The following NACA variants were observed in gnomAD, a reference collection of about 807,000 sequenced individuals.
NACA encodes nascent polypeptide-associated complex subunit alpha.
A neutral mutation model predicts 86.4 loss-of-function variants in NACA; 42 were observed. That is an observed-to-expected ratio of 0.49 (90% confidence interval 0.38 to 0.63). The LOEUF (loss-of-function observed/expected upper bound fraction) is 0.63, where lower values mean the gene tolerates loss of function less well. Among genes scored for constraint, NACA ranks in the 20% least tolerant of loss-of-function variants. The pLI, the probability that NACA is intolerant of heterozygous loss-of-function variation, is 0.00. For missense variants in NACA, 2,157 were observed against 2,483.6 expected (o/e 0.87, Z 2.80); for synonymous variants, 898 against 973.7 (o/e 0.92, Z 1.45).
chr12:56,716,030 G>A lies in NACA; in HGVS notation c.5500C>T (p.Pro1834Ser), dbSNP rs1025629678. ...VLESPSKPLAPADEDELLPLI... is the reference protein window; with the variant it reads ...VLESPSKPLASADEDELLPLI... Reference sequence around the variant, plus strand: ...GGCAGCAGCTCATCCTCATCAGCAGGGGCAAGGGGTTTAGAGGGTGATTCC... The same window carrying A: ...GGCAGCAGCTCATCCTCATCAGCAGAGGCAAGGGGTTTAGAGGGTGATTCC... The change falls in exon 3 of 9, where the codon CCT (proline) becomes TCT (serine). Residue 1834 changes from proline (P) to serine (S), a missense_variant. Pro to Ser is a moderately conservative substitution (Grantham distance 74). Around this residue, in one of 8 missense-constraint regions of NACA, gnomAD observed 797 missense variants for 777.6 expected, o/e 1.02. Coordinates refer to ENST00000454682, the MANE Select transcript of NACA (RefSeq NM_001365896.1). 1 of 1,605,694 alleles carries A rather than the reference G, an allele frequency of 6.2e-7. No homozygotes were observed.
chr12:56,724,644 T>C, intron 1 of NACA, 121 bp from the exon 2 acceptor site: 1 of 1,068,018 alleles, frequency 9.4e-7, no homozygotes, highest in Non-Finnish European at 1.4e-6. Flanking sequence ...GTGAGGGTGT[T>C]TGGTGACAAC....
rs374167103 is a variant in NACA, at chr12:56,718,749, A to C, written c.2781T>G (p.Pro927=). The change falls in exon 3 of 9, where the codon CCT becomes CCG. Residue 927 remains proline, a synonymous_variant. Transcript: ENST00000454682. Reference sequence around the variant, plus strand: ...GGGATGGGGAAGCTGGGATTCCTTTAGGGGCTGGAGTTGCTCGGGCCTTTT... The same window carrying C: ...GGGATGGGGAAGCTGGGATTCCTTTCGGGGCTGGAGTTGCTCGGGCCTTTT... ...SPKKARATPA[P]KGIPASPSPK... is the part of the protein sequence containing the mutation. 1.5e-5 allele frequency: 21 copies of C among 1,438,762 alleles called. No homozygotes were observed. The African/African-American group carries it at 2.6e-4, about 18-fold the overall frequency. 89.1% of individuals were successfully genotyped at this position (1,438,762 alleles called of 1,614,324 possible).
rs768708488 is a variant in NACA, at chr12:56,718,357, G to C, written c.3173C>G (p.Thr1058Arg). The C allele has an allele frequency of 8.5e-6, 10 of 1,177,856 alleles. No homozygotes were observed. In the East Asian group the frequency reaches 2.9e-4, roughly 34 times the overall value. The allele number at this position is 1,177,856 out of a possible 1,614,324, so 73.0% of individuals were successfully genotyped here. Residue 1058 changes from threonine to arginine, a missense_variant, in exon 3 of 9, where the codon ACA (threonine) becomes AGA (arginine). By Grantham distance (71) the Thr-to-Arg change is moderately conservative (BLOSUM62 -1). Coordinates refer to ENST00000454682, the MANE Select transcript of NACA (RefSeq NM_001365896.1). The stretch of plus-strand genomic sequence containing the variant: ...GGAGGGAAGAGTTGCAGCTGGGGTT[G>C]TGGGGGCCCCTTTGGGGAGTGGGGT... ...AATPLPKGAPTTPAATLPSPK... is the reference protein window; with the variant it reads ...AATPLPKGAPRTPAATLPSPK...
At position 56,724,335 on chromosome 12, in the gene NACA, C is replaced by A. The variant is rs528636657; in HGVS notation, c.70+117G>T. 3.2e-4 allele frequency: 312 copies of A among 965,942 alleles called. No homozygotes were observed. The highest frequency in any genetic ancestry group is 5.9e-4 in the South Asian group (35 of 59,396). 59.8% of individuals were successfully genotyped at this position (965,942 alleles called of 1,614,324 possible). ...GGATAGTAATTTTACGGTCTATCCT[C>A]CTTGGTAAAGCTGCAACCCCATCCT... On this transcript the variant is annotated intron_variant, in intron 2 of 8. Coordinates refer to ENST00000454682, the MANE Select transcript of NACA (RefSeq NM_001365896.1).
At chr12:56,715,609 G>A (rs1182487201) in intron 3 of NACA, among the ~76,000 whole-genome samples, 1 of 152,060 alleles carries the variant, frequency 6.6e-6, no homozygotes, top group Non-Finnish European at 1.5e-5. Flanking sequence ...TAGATGGCAT[G>A]GCAGGCTCAG....
chr12:56,721,082 T>C lies in NACA; in HGVS notation c.448A>G (p.Ser150Gly). 1 of 1,613,846 alleles carries C rather than the reference T, an allele frequency of 6.2e-7. No individual in the cohort carries two copies. The stretch of plus-strand genomic sequence containing the variant: ...AGAAGGTTAGGTGGAAAAGCAGAAC[T>C]CTTCTGAACTGAGTGGGGAGCCAGG... ...VALAPHSVQKSSAFPPNLLTS... is the reference protein window; with the variant it reads ...VALAPHSVQKGSAFPPNLLTS... Residue 150 changes from serine to glycine, a missense_variant, in exon 3 of 9, where the codon AGT becomes GGT. Coordinates refer to ENST00000454682, the MANE Select transcript of NACA (RefSeq NM_001365896.1).
chr12:56,716,818 G>C lies in NACA; in HGVS notation c.4712C>G (p.Pro1571Arg). 1.5e-6 allele frequency: 2 copies of C among 1,332,358 alleles called. No homozygotes were observed. The highest frequency in any genetic ancestry group is 2.0e-6 in the Non-Finnish European group (2 of 1,020,022). 82.5% of individuals were successfully genotyped at this position (1,332,358 alleles called of 1,614,324 possible). A position where few individuals can be genotyped will look rare whatever the true frequency, so the allele number is the denominator to read the frequency against. ...TPAIPTPKEA[P>R]ATPSSKEASS... is the part of the protein sequence containing the mutation. ...GGCCTCTTTGGAGGATGGGGTAGCT[G>C]GGGCTTCTTTGGGGGTTGGAATTGC... Residue 1571 changes from proline to arginine, a missense_variant, in exon 3 of 9, where the codon CCA becomes CGA. By Grantham distance (103) the Pro-to-Arg change is moderately radical (BLOSUM62 -2). This residue lies in a region of NACA where 797 missense variants were observed against 777.6 expected (regional missense o/e 1.02). Coordinates refer to ENST00000454682, the MANE Select transcript of NACA (RefSeq NM_001365896.1).
At position 56,715,937 on chromosome 12, in the gene NACA, G is replaced by T. The variant is rs547843864; in HGVS notation, c.5593C>A (p.Pro1865Thr). 15 of 1,532,526 alleles carry T rather than the reference G, an allele frequency of 9.8e-6. No homozygotes were observed. The highest frequency in any genetic ancestry group is 1.3e-5 in the Non-Finnish European group (15 of 1,139,750). 94.9% of individuals were successfully genotyped at this position (1,532,526 alleles called of 1,614,324 possible). ...FQSVLVNMPT[P>T]KSAGIPVPTP... ...GGGACAGGGATTCCAGCAGATTTAG[G>T]GGTGGGCATGTTGACGAGGACCGAC... is the stretch of plus-strand genomic sequence containing the variant. The change falls in exon 3 of 9, where the codon CCT (proline) becomes ACT (threonine). Residue 1865 changes from proline (P) to threonine (T), a missense_variant. This residue lies in a region of NACA where 797 missense variants were observed against 777.6 expected (regional missense o/e 1.02). Transcript: ENST00000454682.
intron 2 of NACA, among the ~76,000 whole-genome samples, chr12:56,723,266 A>G (rs1368849573): frequency 6.6e-6 from 1 of 152,232 alleles, no homozygotes; most frequent in Non-Finnish European, 1.5e-5. Context: ...CAGACTATTC[A>G]GGAATACGTT....
chr12:56,724,577 C>A, intron 1 of NACA, 54 bp from the exon 2 acceptor site: 3 of 1,548,216 alleles, frequency 1.9e-6, no homozygotes, highest in Non-Finnish European at 2.6e-6. Flanking sequence ...CATTCACTTG[C>A]CCAACCCGGA....
At chr12:56,723,135 T>C (rs947701675) in intron 2 of NACA, among the ~76,000 whole-genome samples, 2 of 152,342 alleles carry the variant, frequency 1.3e-5, no homozygotes, top group Non-Finnish European at 2.9e-5. Context: ...ACTCAAATAC[T>C]TGCTTTGACA....
intron 3 of NACA, among the ~76,000 whole-genome samples, chr12:56,715,486 T>C (rs1167936667): frequency 6.6e-6 from 1 of 152,094 alleles, no homozygotes; most frequent in African/African-American, 2.4e-5. Context: ...TCTCCAATAA[T>C]TTTACCAAAT....
chr12:56,712,686 A>G (rs1953250960), intron 8 of NACA, 100 bp downstream of exon 8: 3 of 1,602,628 alleles, frequency 1.9e-6, no homozygotes. Flanking sequence ...AGGCTCTGGA[A>G]TGAGGTTCCT....
Position 56,712,458 on chromosome 12 carries a change from T to C in NACA, c.*80A>G. 7.0e-7 allele frequency: 1 copy of C among 1,436,702 alleles called. No individual in the cohort carries two copies. The highest frequency in any genetic ancestry group is 9.7e-7 in the Non-Finnish European group (1 of 1,032,608). 89.0% of individuals were successfully genotyped at this position (1,436,702 alleles called of 1,614,324 possible). ...CATCCAACAAGAAGCCATAACTTTA[T>C]TTATGATAGAAACAGTACAAATTTC... On this transcript the variant is annotated 3_prime_UTR_variant, in exon 9 of 9. Coordinates refer to ENST00000454682, the MANE Select transcript of NACA (RefSeq NM_001365896.1).
At position 56,719,389 on chromosome 12, in the gene NACA, G is replaced by A. The variant is rs1286107596; in HGVS notation, c.2141C>T (p.Pro714Leu). The A allele has an allele frequency of 1.2e-6, 2 of 1,611,410 alleles. No individual in the cohort carries two copies. Among genetic ancestry groups the A allele is most frequent in the Admixed American group, 1.7e-5 (1 of 59,890 alleles). Reference protein sequence around the residue: ...ASENCPVAPSPQNTCAPLATL... With the variant: ...ASENCPVAPSLQNTCAPLATL... ...AGCCAGAGGAGCACAGGTATTCTGG[G>A]GGGATGGAGCCACAGGGCAATTTTC... The change falls in exon 3 of 9, where the codon CCC becomes CTC. Residue 714 changes from proline (P) to leucine (L), a missense_variant. Around this residue, in one of 8 missense-constraint regions of NACA, gnomAD observed 947 missense variants for 917.9 expected, o/e 1.03. Coordinates refer to ENST00000454682, the MANE Select transcript of NACA (RefSeq NM_001365896.1).
rs140567329 is a variant in NACA at position 56,723,783 on chromosome 12, C to T, written c.70+669G>A. On this transcript the variant is annotated intron_variant, in intron 2 of 8. Transcript: ENST00000454682. ...TTTAAGAACTTTTCATTACCTCCTC[C>T]TAAGTTTTCTACAGAGATATGTTTT... Among the ~76,000 whole-genome samples the T allele has an allele frequency of 3.2e-3, 493 of 152,272 alleles. 2 individuals carry two copies. The highest frequency in any genetic ancestry group is 9.3e-3 in the South Asian group (45 of 4,828).
Position 56,716,008 on chromosome 12 carries a change from AGCAGCTC to A in NACA, c.5515_5521del (p.Glu1839CysfsTer3). ...GATTGGTTCCGGGGGAATCAGAGGC[AGCAGCTC>A]ATCCTCATCAGCAGGGGCAAGGGGT... On this transcript the variant is annotated frameshift_variant, in exon 3 of 9. Coordinates refer to ENST00000454682, the MANE Select transcript of NACA (RefSeq NM_001365896.1). LOFTEE classifies it high-confidence loss of function. The A allele has an allele frequency of 6.3e-7, 1 of 1,595,142 alleles. No individual in the cohort carries two copies. The highest frequency in any genetic ancestry group is 1.1e-5 in the South Asian group (1 of 88,956).
Position 56,720,195 on chromosome 12 carries a change from G to T in NACA, c.1335C>A (p.Asn445Lys), listed in dbSNP as rs1163495377. Reference protein sequence around the residue: ...SVGTTPLVVTNPCTIAAAPTT... With the variant: ...SVGTTPLVVTKPCTIAAAPTT... ...TAGGTGCTGCAGCAATTGTACAGGGGTTAGTCACCACAAGTGGGGTGGTTC... is the reference window on the plus strand; with the variant it reads ...TAGGTGCTGCAGCAATTGTACAGGGTTTAGTCACCACAAGTGGGGTGGTTC... The change falls in exon 3 of 9, where the codon AAC becomes AAA. Residue 445 changes from asparagine (N) to lysine (K), a missense_variant. Asn to Lys is a moderately conservative substitution (Grantham distance 94). Around this residue, in one of 8 missense-constraint regions of NACA, gnomAD observed 947 missense variants for 917.9 expected, o/e 1.03. Transcript: ENST00000454682. 1 of 1,613,964 alleles carries T rather than the reference G, an allele frequency of 6.2e-7. No homozygotes were observed. The highest frequency in any genetic ancestry group is 8.5e-7 in the Non-Finnish European group (1 of 1,179,890).
Position 56,720,506 on chromosome 12 carries a change from C to A in NACA, c.1024G>T (p.Asp342Tyr). Reference protein sequence around the residue: ...SDPTVKTISVDHSSTGASYPS... With the variant: ...SDPTVKTISVYHSSTGASYPS... ...TAAGAGGCCCCTGTGGAAGAATGAT[C>A]TACAGAAATGGTCTTCACTGTAGGG... Residue 342 changes from aspartate (D) to tyrosine (Y), a missense_variant, in exon 3 of 9, where the codon GAT becomes TAT. Around this residue, in one of 8 missense-constraint regions of NACA, gnomAD observed 947 missense variants for 917.9 expected, o/e 1.03. Coordinates refer to ENST00000454682, the MANE Select transcript of NACA (RefSeq NM_001365896.1). The A allele has an allele frequency of 6.2e-7, 1 of 1,613,876 alleles. No homozygotes were observed. Among genetic ancestry groups the A allele is most frequent in the Non-Finnish European group, 8.5e-7 (1 of 1,179,824 alleles).
Sources: allele counts gnomAD v4.1 joint callset (sites outside exome capture counted in the v4.1 genomes callset), GRCh38; gene constraint gnomAD v4.1.1; regional missense constraint gnomAD v4.1.1; transcripts MANE v1.5; gene names NCBI Gene and HGNC (gene_info 2026-07-23, HGNC 2026-07-21).